Variants in ELP3 observed in about 807,000 individuals in gnomAD.
ELP3 encodes elongator complex protein 3.
Under a neutral mutation model 74.9 loss-of-function variants are expected in ELP3, and 56 were observed. The observed-to-expected ratio is 0.75, with a 90% CI of 0.60 to 0.93. The LOEUF is 0.93. Ranked by LOEUF, ELP3 falls within the 40% of genes least tolerant of loss-of-function variation. The pLI is 0.00. For synonymous variants in ELP3, 222 were observed against 239.8 expected (o/e 0.93, Z 0.68); for missense variants, 573 against 686.5 (o/e 0.83, Z 1.85).
intron 5 of ELP3, among the ~76,000 whole-genome samples, chr8:28,108,700 G>T (rs141803693): frequency 6.6e-6 from 1 of 152,068 alleles, no homozygotes; most frequent in African/African-American, 2.4e-5. Flanking sequence ...TAAGTGATCC[G>T]CCTGCCTTGG....
intron 3 of ELP3, among the ~76,000 whole-genome samples, chr8:28,100,883 A>G (rs1041465039): frequency 2.0e-5 from 3 of 152,130 alleles, no homozygotes; most frequent in Admixed American, 1.3e-4. Flanking sequence ...CCCTCCTACC[A>G]TATGGTCCCC....
intron 7 of ELP3, among the ~76,000 whole-genome samples, chr8:28,120,727 A>G (rs549768658): frequency 1.3e-5 from 2 of 152,298 alleles, no homozygotes; most frequent in East Asian, 1.9e-4. Context: ...TATGTGTAAT[A>G]TGAGGTGGGG....
At position 28,137,739 on chromosome 8, in the gene ELP3, ACT is replaced by A; in HGVS notation, c.951_952del (p.Tyr318SerfsTer12). 6.2e-7 allele frequency: 1 copy of A among 1,612,494 alleles called. No homozygotes were observed. The highest frequency in any genetic ancestry group is 8.5e-7 in the Non-Finnish European group (1 of 1,179,684). On this transcript the variant is annotated frameshift_variant, in exon 10 of 15. Transcript: ENST00000256398. LOFTEE classifies it high-confidence loss of function. ...CTGCTTTTCGTCCCGATGGGCTGAA[ACT>A]CTATCCTACCCTGGTGATTCGTGGG... ...NPAFRPDGLK[L>X]YPTLVIRGTG...
At chr8:28,121,424 A>G (rs1163125469) in intron 7 of ELP3, among the ~76,000 whole-genome samples, 4 of 151,056 alleles carry the variant, frequency 2.6e-5, no homozygotes, top group African/African-American at 9.7e-5. Context: ...GGCTCAAGAC[A>G]TTCTCCTGCC....
intron 7 of ELP3, among the ~76,000 whole-genome samples, chr8:28,120,513 G>A (rs762853734): frequency 6.6e-6 from 1 of 152,174 alleles, no homozygotes; most frequent in African/African-American, 2.4e-5. Flanking sequence ...TGTTTGTTAT[G>A]TTAATGATAT....
At chr8:28,111,971 T>A (rs1319935388) in intron 6 of ELP3, among the ~76,000 whole-genome samples, 1 of 152,208 alleles carries the variant, frequency 6.6e-6, no homozygotes, top group Non-Finnish European at 1.5e-5. Flanking sequence ...TGTTGATATA[T>A]ATGTACACAC....
upstream of ELP3, chr8:28,090,478 G>GGTGGGT (rs1554492415): frequency 3.1e-5 from 7 of 227,230 alleles, no homozygotes; most frequent in Admixed American, 1.1e-4. Context: ...TAGTCTGATG[G>GGTGGGT]GTGGGTGTGT....
At chr8:28,121,598 G>A (rs1812376421) in intron 7 of ELP3, among the ~76,000 whole-genome samples, 2 of 152,120 alleles carry the variant, frequency 1.3e-5, no homozygotes, top group Admixed American at 6.5e-5. Context: ...GGGATTACAG[G>A]TGTGAGCCAC....
At chr8:28,145,048 AT>A (rs1466595073) in intron 10 of ELP3, among the ~76,000 whole-genome samples, 12 of 152,268 alleles carry the variant, frequency 7.9e-5, no homozygotes, top group African/African-American at 2.6e-4. Context: ...TCAAAAAAAA[AT>A]AAAATAAAAA....
chr8:28,136,230 G>A (rs978542489), intron 9 of ELP3, among the ~76,000 whole-genome samples: 3 of 152,146 alleles, frequency 2.0e-5, no homozygotes, highest in Non-Finnish European at 4.4e-5. Context: ...CCAACGTGCT[G>A]GGATTACAGG....
At chr8:28,119,473 G>A (rs989238839) in intron 7 of ELP3, among the ~76,000 whole-genome samples, 9 of 150,190 alleles carry the variant, frequency 6.0e-5, no homozygotes, top group Middle Eastern at 3.4e-3. Flanking sequence ...CACTTCTCCC[G>A]GGATACTTCA....
At chr8:28,161,392 G>C (rs1814080022) in intron 13 of ELP3, among the ~76,000 whole-genome samples, 1 of 152,088 alleles carries the variant, frequency 6.6e-6, no homozygotes, top group African/African-American at 2.4e-5. Flanking sequence ...TGGCCAACCT[G>C]GTGAAACCCT....
chr8:28,126,396 A>T (rs563766495), intron 7 of ELP3, among the ~76,000 whole-genome samples: 1 of 152,236 alleles, frequency 6.6e-6, no homozygotes, highest in Non-Finnish European at 1.5e-5. Flanking sequence ...AGAACATAGC[A>T]TCTTTTATAG....
rs79590303 is a variant in ELP3, at chr8:28,167,377, T to C, written c.1567+5299T>C. Reference sequence around the variant, plus strand: ...TGGGCAGAAAATAGCAGTTGTTTTGTTGAAGCATTTAAACTACAAATGGCT... The same window carrying C: ...TGGGCAGAAAATAGCAGTTGTTTTGCTGAAGCATTTAAACTACAAATGGCT... On this transcript the variant is annotated intron_variant, in intron 14 of 14. Coordinates refer to ENST00000256398, the MANE Select transcript of ELP3 (RefSeq NM_018091.6). 4.3e-3 allele frequency among the ~76,000 whole-genome samples: 659 copies of C among 152,342 alleles called. 5 individuals carry two copies. The highest frequency in any genetic ancestry group is 0.015 in the African/African-American group (611 of 41,580).
chr8:28,189,351 C>T (rs887308966), intron 14 of ELP3, among the ~76,000 whole-genome samples: 1 of 152,204 alleles, frequency 6.6e-6, no homozygotes, highest in Non-Finnish European at 1.5e-5. Context: ...GTAGTGAATA[C>T]GCAGGCTCCA....
intron 10 of ELP3, among the ~76,000 whole-genome samples, chr8:28,149,294 G>A (rs567906962): frequency 6.6e-5 from 10 of 152,284 alleles, no homozygotes; most frequent in Non-Finnish European, 1.2e-4. Flanking sequence ...CTCTGCTTCT[G>A]TCCTCTGAAA....
At chr8:28,095,051 T>C (rs1004411076) in intron 1 of ELP3, among the ~76,000 whole-genome samples, 12 of 152,384 alleles carry the variant, frequency 7.9e-5, no homozygotes, top group Middle Eastern at 3.4e-3. Context: ...CAGGGTCCCC[T>C]GTAATCTGTT....
upstream of ELP3, chr8:28,090,482 G>GGTGTGGGT (rs1554492429): frequency 1.0e-4 from 16 of 160,310 alleles, no homozygotes; most frequent in African/African-American, 2.9e-4. Flanking sequence ...CTGATGGGTG[G>GGTGTGGGT]GTGTGTGTGT....
intron 14 of ELP3, among the ~76,000 whole-genome samples, chr8:28,178,913 G>A (rs1814876458): frequency 6.6e-6 from 1 of 152,170 alleles, no homozygotes; most frequent in Admixed American, 6.5e-5. Context: ...TGAAGTTGCT[G>A]TGTGCACATG....
Sources: gnomAD v4.1 joint callset for allele counts (sites outside exome capture counted in the v4.1 genomes callset) on GRCh38, gnomAD v4.1.1 for gene constraint, MANE v1.5 for transcripts, NCBI Gene and HGNC (gene_info 2026-07-23, HGNC 2026-07-21) for gene names.